The following SPECC1L variants were observed in gnomAD, a reference collection of about 807,000 sequenced individuals.
SPECC1L encodes cytospin-A.
Under a neutral mutation model 116.8 loss-of-function variants are expected in SPECC1L, and 40 were observed. The ratio of observed to expected loss-of-function variants is 0.34; its 90% CI spans 0.27 to 0.45. The LOEUF is 0.45. SPECC1L is among the 20% of genes least tolerant of loss of function. The pLI is 1.00. For synonymous variants in SPECC1L, 504 were observed against 500.6 expected (o/e 1.01, Z -0.09); for missense variants, 1,110 against 1,373.6 (o/e 0.81, Z 3.03).
intron 10 of SPECC1L, among the ~76,000 whole-genome samples, chr22:24,341,270 TG>T (rs2041171857): frequency 6.6e-6 from 1 of 152,188 alleles, no homozygotes; most frequent in Non-Finnish European, 1.5e-5. Flanking sequence ...GCACCTGCAT[TG>T]GGTGAAACCC....
At chr22:24,283,537 AG>A (rs2048986209) in intron 2 of SPECC1L, among the ~76,000 whole-genome samples, 1 of 152,094 alleles carries the variant, frequency 6.6e-6, no homozygotes, top group Non-Finnish European at 1.5e-5. Flanking sequence ...ATGGGTCTGT[AG>A]GTTTCTTTTT....
At chr22:24,396,927 C>T (rs933163176) in intron 14 of SPECC1L, among the ~76,000 whole-genome samples, 1 of 152,162 alleles carries the variant, frequency 6.6e-6, no homozygotes, top group Non-Finnish European at 1.5e-5. Flanking sequence ...TGAAGTGCCA[C>T]GCAGGGCGCT....
chr22:24,336,287 A>ATG (rs955097990), intron 9 of SPECC1L, among the ~76,000 whole-genome samples: 2 of 151,862 alleles, frequency 1.3e-5, no homozygotes, highest in African/African-American at 4.8e-5. Context: ...ATATACCTAT[A>ATG]TGTGTGTGTG....
At chr22:24,333,629 T>C (rs2040984922) in intron 8 of SPECC1L, among the ~76,000 whole-genome samples, 1 of 152,004 alleles carries the variant, frequency 6.6e-6, no homozygotes, top group Non-Finnish European at 1.5e-5. Flanking sequence ...TTTTTATTTT[T>C]TTAAAGAGTG....
chr22:24,342,669 T>A (rs1439361638), intron 10 of SPECC1L, among the ~76,000 whole-genome samples: 3 of 94,346 alleles, frequency 3.2e-5, no homozygotes, highest in African/African-American at 1.4e-4. Flanking sequence ...CAGGACTCCA[T>A]CTCAAAAAAA....
chr22:24,360,698 A>C (rs199655691), intron 11 of SPECC1L, among the ~76,000 whole-genome samples: 2 of 152,112 alleles, frequency 1.3e-5, no homozygotes, highest in Non-Finnish European at 1.5e-5. Flanking sequence ...TGTCTTTTCA[A>C]CCTTCGTTTT....
intron 14 of SPECC1L, among the ~76,000 whole-genome samples, chr22:24,385,971 T>C (rs1290914403): frequency 1.3e-5 from 2 of 152,188 alleles, no homozygotes; most frequent in African/African-American, 4.8e-5. Flanking sequence ...AGTATATTCA[T>C]CAGAATTGGC....
intron 2 of SPECC1L, among the ~76,000 whole-genome samples, chr22:24,279,966 A>G (rs2048910879): frequency 6.6e-6 from 1 of 152,230 alleles, no homozygotes; most frequent in South Asian, 2.1e-4. Context: ...TCTGCCCCTC[A>G]TCACCTTTTT....
intron 3 of SPECC1L, among the ~76,000 whole-genome samples, chr22:24,310,680 T>TC (rs957989002): frequency 6.6e-6 from 1 of 152,174 alleles, no homozygotes; most frequent in Non-Finnish European, 1.5e-5. Context: ...TTGGTCTTTT[T>TC]CCCCTCAATT....
intron 2 of SPECC1L, among the ~76,000 whole-genome samples, chr22:24,282,718 A>T (rs908820763): frequency 6.6e-6 from 1 of 151,680 alleles, no homozygotes; most frequent in Non-Finnish European, 1.5e-5. Context: ...GTGTGTATTG[A>T]GAAGATCATA....
chr22:24,329,029 A>G, intron 7 of SPECC1L, 110 bp downstream of exon 7: 1 of 835,310 alleles, frequency 1.2e-6, no homozygotes, highest in South Asian at 1.4e-5. Flanking sequence ...CAGTGATAAT[A>G]CTGGCCCCAT....
intron 2 of SPECC1L, among the ~76,000 whole-genome samples, chr22:24,285,637 T>G (rs1968476): frequency 0.027 from 4,061 of 151,818 alleles, 109 homozygotes; most frequent in African/African-American, 0.066. Flanking sequence ...TGTTTTTTTT[T>G]TTGTTGTTTT....
Position 24,377,369 on chromosome 22 carries a change from C to G in SPECC1L, c.3087+8049C>G, listed in dbSNP as rs11912255. ...GTTTCCCAGGCTGGTCTCAAGTGAT[C>G]TTCCCACCTCAGCCTCCCAAGTAGC... On this transcript the variant is annotated intron_variant, in intron 14 of 16. Transcript: ENST00000314328. Among the ~76,000 whole-genome samples the G allele has an allele frequency of 2.6e-3, 399 of 152,210 alleles. 3 individuals are homozygous for G. The highest frequency in any genetic ancestry group is 8.9e-3 in the African/African-American group (371 of 41,518).
intron 14 of SPECC1L, among the ~76,000 whole-genome samples, chr22:24,404,233 G>A (rs2042539600): frequency 2.0e-5 from 3 of 152,240 alleles, no homozygotes; most frequent in Non-Finnish European, 4.4e-5. Flanking sequence ...GGCTGGATCC[G>A]AGGCCTCCTT....
intron 10 of SPECC1L, among the ~76,000 whole-genome samples, chr22:24,344,733 C>T (rs2041255158): frequency 6.6e-6 from 1 of 152,076 alleles, no homozygotes; most frequent in South Asian, 2.1e-4. Context: ...TGAGCAGTGT[C>T]AAGGTTTACA....
intron 12 of SPECC1L, 96 bp from the exon 13 acceptor site, chr22:24,365,380 A>G: frequency 1.8e-6 from 2 of 1,125,630 alleles, no homozygotes; most frequent in Admixed American, 1.9e-5. Context: ...CTGTATGGTA[A>G]TATCTGTTGT....
chr22:24,341,899 C>T (rs2041183702), intron 10 of SPECC1L, among the ~76,000 whole-genome samples: 1 of 152,232 alleles, frequency 6.6e-6, no homozygotes, highest in Admixed American at 6.5e-5. Context: ...AGCTTGCCAG[C>T]AGCCATGTAG....
intron 14 of SPECC1L, among the ~76,000 whole-genome samples, chr22:24,371,338 T>TG (rs2041866816): frequency 6.6e-6 from 1 of 152,118 alleles, no homozygotes. Context: ...ATTGGCCAGA[T>TG]GTGGTGGCTC....
chr22:24,383,940 A>G (rs1299030529), intron 14 of SPECC1L, among the ~76,000 whole-genome samples: 1 of 151,408 alleles, frequency 6.6e-6, no homozygotes, highest in Non-Finnish European at 1.5e-5. Context: ...GGCGTGAGCC[A>G]CCGTGCCTGG....
Sources: allele counts gnomAD v4.1 joint callset (sites outside exome capture counted in the v4.1 genomes callset), GRCh38; gene constraint gnomAD v4.1.1; transcripts MANE v1.5; gene names NCBI Gene and HGNC (gene_info 2026-07-23, HGNC 2026-07-21).